The following INPP5F variants were observed in gnomAD, a reference collection of about 807,000 sequenced individuals.
INPP5F encodes inositol polyphosphate-5-phosphatase F, also known as phosphatidylinositide 4-phosphatase SAC2.
In INPP5F, 97 loss-of-function variants were observed where a neutral mutation model predicts 137.2. That is an observed-to-expected ratio of 0.71 (90% CI 0.60 to 0.84). The LOEUF (loss-of-function observed/expected upper bound fraction) is 0.84, where lower values mean the gene tolerates loss of function less well. INPP5F is among the 40% of genes least tolerant of loss of function. The pLI, the probability that INPP5F is intolerant of heterozygous loss-of-function variation, is 0.00. For synonymous variants in INPP5F, 504 were observed against 476.9 expected (o/e 1.06, Z -0.74); for missense variants, 1,271 against 1,371.9 (o/e 0.93, Z 1.16).
chr10:119,787,084 T>C lies in INPP5F; in HGVS notation c.316-4433T>C, dbSNP rs1338488686. ...TGTTTCTTAAACAATGGTATGAATG[T>C]TCATACTAAGGGAGGTAAGTGATGA... On this transcript the variant is annotated intron_variant, in intron 3 of 19. Coordinates refer to ENST00000650623, the MANE Select transcript of INPP5F (RefSeq NM_014937.4). The surrounding 1 kb of genome is among the most constrained non-coding windows in gnomAD (Gnocchi z 4.1). Among the ~76,000 whole-genome samples the C allele has an allele frequency of 1.3e-5, 2 of 152,198 alleles. No individual in the cohort carries two copies. Among genetic ancestry groups the C allele is most frequent in the African/African-American group, 4.8e-5 (2 of 41,444 alleles).
chr10:119,728,091 C>G (rs564870124), intron 1 of INPP5F, among the ~76,000 whole-genome samples: 1 of 152,342 alleles, frequency 6.6e-6, no homozygotes, highest in Admixed American at 6.5e-5. Flanking sequence ...ACTGTTTGTT[C>G]AAAGTCCATG....
In INPP5F at chr10:119,805,421, G is replaced by C; in HGVS notation, c.1279G>C (p.Asp427His). 6.2e-7 allele frequency: 1 copy of C among 1,613,372 alleles called. No homozygotes were observed. The highest frequency in any genetic ancestry group is 1.7e-4 in the Middle Eastern group (1 of 6,036). ...GTTTGAGAATGTTCAGACACTAACA[G>C]ATGCCATTTATGACATTATTCTTGA... ...MKFENVQTLTDAIYDIILDMK... is the reference protein window; with the variant it reads ...MKFENVQTLTHAIYDIILDMK... Residue 427 changes from aspartate to histidine, a missense_variant, in exon 11 of 20, where the codon GAT (aspartate) becomes CAT (histidine). By Grantham distance (81) the Asp-to-His change is moderately conservative (BLOSUM62 -1). Transcript: ENST00000650623.
intron 12 of INPP5F, among the ~76,000 whole-genome samples, chr10:119,807,480 A>G (rs1002842951): frequency 5.9e-5 from 9 of 152,212 alleles, no homozygotes; most frequent in African/African-American, 2.2e-4. Flanking sequence ...AATGTAGGTG[A>G]TAACAGTATC....
In INPP5F at chr10:119,764,535, A is replaced by G. The variant is rs186471257; in HGVS notation, c.178+13379A>G. ...AGGATGAAGACCTTTATAATGACCC[A>G]CTTCCACTTAATGAGTAGTAAATAC... On this transcript the variant is annotated intron_variant, in intron 2 of 19. Transcript: ENST00000650623. Among the ~76,000 whole-genome samples the G allele has an allele frequency of 6.6e-5, 10 of 150,408 alleles. No homozygotes were observed. The East Asian group carries it at 2.0e-3, about 29-fold the overall frequency.
intron 9 of INPP5F, among the ~76,000 whole-genome samples, chr10:119,800,953 A>G: frequency 6.6e-6 from 1 of 151,686 alleles, no homozygotes; most frequent in Non-Finnish European, 1.5e-5. Flanking sequence ...GTCTCAAAAA[A>G]AAAAAAAAAA....
At chr10:119,797,339 C>G in intron 7 of INPP5F, 122 bp from the exon 8 acceptor site, 1 of 733,776 alleles carries the variant, frequency 1.4e-6, no homozygotes, top group Non-Finnish European at 2.2e-6. Flanking sequence ...TTCTGCTTGG[C>G]AGTTGCACAC....
chr10:119,728,127 T>TG (rs1428164171), intron 1 of INPP5F, among the ~76,000 whole-genome samples: 15 of 152,398 alleles, frequency 9.8e-5, no homozygotes, highest in African/African-American at 3.6e-4. Flanking sequence ...AAAACTTTTT[T>TG]GGGGGAGGAA....
At position 119,754,397 on chromosome 10, in the gene INPP5F, CTTT is replaced by C. The variant is rs1564809492; in HGVS notation, c.178+3242_178+3244del. Among the ~76,000 whole-genome samples, 4 of 152,238 alleles carry C rather than the reference CTTT, an allele frequency of 2.6e-5. No homozygotes were observed. In the South Asian group the frequency reaches 8.3e-4, roughly 32 times the overall value. On this transcript the variant is annotated intron_variant, in intron 2 of 19. Transcript: ENST00000650623. ...GGTATGGTCATCTGTGGTCAGCCCC[CTTT>C]ATATGTACTTCTCCTCCTTGCCATT...
intron 2 of INPP5F, among the ~76,000 whole-genome samples, chr10:119,763,974 G>A (rs149960558): frequency 8.3e-4 from 126 of 152,208 alleles, no homozygotes; most frequent in Non-Finnish European, 1.5e-3. Context: ...CCAATAACAC[G>A]TTCCTTATTT....
rs770635086 is a variant in INPP5F, at chr10:119,797,466, C to T, written c.874C>T (p.Arg292Cys). Reference sequence around the variant, plus strand: ...CTGTTTTAATTTTCTTTCAGGAATGCGCTATAAACGAAGAGGAGTGGATAA... The same window carrying T: ...CTGTTTTAATTTTCTTTCAGGAATGTGCTATAAACGAAGAGGAGTGGATAA... ...SRRSRHRAGM[R>C]YKRRGVDKNG... The change falls in exon 8 of 20, where the codon CGC becomes TGC. Residue 292 changes from arginine to cysteine, a missense_variant. Around this residue, in one of 6 missense-constraint regions of INPP5F, gnomAD observed 593 missense variants for 712.4 expected, o/e 0.83. Transcript: ENST00000650623. 4 of 1,600,432 alleles carry T rather than the reference C, an allele frequency of 2.5e-6. No individual in the cohort carries two copies. The highest frequency in any genetic ancestry group is 2.3e-5 in the South Asian group (2 of 88,442).
intron 2 of INPP5F, among the ~76,000 whole-genome samples, chr10:119,755,543 G>GGGAAAC (rs1289240403): frequency 6.6e-6 from 1 of 152,054 alleles, no homozygotes; most frequent in Non-Finnish European, 1.5e-5. Flanking sequence ...GAATTTTAAG[G>GGGAAAC]GGAAACAGTT....
intron 2 of INPP5F, among the ~76,000 whole-genome samples, chr10:119,765,522 C>A (rs1288359802): frequency 6.6e-6 from 1 of 151,208 alleles, no homozygotes; most frequent in Non-Finnish European, 1.5e-5. Context: ...CAGGTGCACG[C>A]CATGATACCT....
In INPP5F at chr10:119,791,650, G is replaced by GGAA; in HGVS notation, c.444+5_444+6insGAA. 1.3e-6 allele frequency: 2 copies of GGAA among 1,594,482 alleles called. No homozygotes were observed. Among genetic ancestry groups the GGAA allele is most frequent in the Non-Finnish European group, 1.7e-6 (2 of 1,165,542 alleles). Reference sequence around the variant, plus strand: ...TCTGCTCCTAATAAAAAGAAAGTAAGAGTTTAATTGATATAGGCTTTGAAT... The same window carrying GGAA: ...TCTGCTCCTAATAAAAAGAAAGTAAGGAAAGTTTAATTGATATAGGCTTTGAAT... On this transcript the variant is annotated splice_donor_region_variant and intron_variant, in intron 4 of 19. Transcript: ENST00000650623.
At chr10:119,773,517 C>T (rs575754554) in intron 2 of INPP5F, among the ~76,000 whole-genome samples, 58 of 152,304 alleles carry the variant, frequency 3.8e-4, no homozygotes, top group African/African-American at 1.3e-3. Flanking sequence ...CACTATCCCC[C>T]GTTTCGGAAT....
chr10:119,795,145 C>T (rs1392789086), intron 6 of INPP5F, among the ~76,000 whole-genome samples: 1 of 148,396 alleles, frequency 6.7e-6, no homozygotes, highest in Non-Finnish European at 1.5e-5. Flanking sequence ...CCCCCACCTC[C>T]CTCCCAGACG....
At chr10:119,800,428 C>T in intron 9 of INPP5F, among the ~76,000 whole-genome samples, 1 of 150,192 alleles carries the variant, frequency 6.7e-6, no homozygotes, top group Non-Finnish European at 1.5e-5. Context: ...GGCATGGTGG[C>T]TTGTGCCTGT....
chr10:119,728,087 T>C (rs1387555503), intron 1 of INPP5F, among the ~76,000 whole-genome samples: 2 of 152,262 alleles, frequency 1.3e-5, no homozygotes, highest in Non-Finnish European at 2.9e-5. Flanking sequence ...GATTACTGTT[T>C]GTTCAAAGTC....
chr10:119,809,615 T>G (rs985870245), intron 13 of INPP5F, among the ~76,000 whole-genome samples: 2 of 152,208 alleles, frequency 1.3e-5, no homozygotes, highest in Admixed American at 1.3e-4. Context: ...GCTGGTGATG[T>G]GCAGCAAGGT....
intron 7 of INPP5F, 27 bp from the exon 8 acceptor site, chr10:119,797,434 C>G (rs1850425437): frequency 3.2e-6 from 5 of 1,547,434 alleles, no homozygotes; most frequent in Non-Finnish European, 4.4e-6. Context: ...TAAAATGTTG[C>G]TGTTTTCTGT....
Sources: gnomAD v4.1 joint callset for allele counts (sites outside exome capture counted in the v4.1 genomes callset) on GRCh38, gnomAD v4.1.1 for gene constraint, gnomAD v4.1.1 regional missense constraint, Gnocchi (gnomAD v3.1) non-coding constraint, MANE v1.5 for transcripts, NCBI Gene and HGNC (gene_info 2026-07-23, HGNC 2026-07-21) for gene names.